PDE10A: variants seen among roughly 807,000 people sequenced by gnomAD.
The protein encoded by PDE10A is phosphodiesterase 10A.
A neutral mutation model predicts 97.7 loss-of-function variants in PDE10A; 39 were observed. That is an observed-to-expected ratio of 0.40 (90% CI 0.31 to 0.52). The LOEUF is 0.52. PDE10A is among the 20% of genes least tolerant of loss of function. The pLI, the probability that PDE10A is intolerant of heterozygous loss-of-function variation, is 0.56. For synonymous variants in PDE10A, 371 were observed against 376.8 expected (o/e 0.98, Z 0.18); for missense variants, 731 against 1,047.8 (o/e 0.70, Z 4.17).
intron 5 of PDE10A, among the ~76,000 whole-genome samples, chr6:165,445,614 T>C (rs1202527717): frequency 6.6e-6 from 1 of 152,220 alleles, no homozygotes; most frequent in African/African-American, 2.4e-5. Context: ...GGAAACCAGA[T>C]TATTTTGAAA....
At chr6:165,984,916 A>C (rs1785138546) in intron 1 of PDE10A, among the ~76,000 whole-genome samples, 1 of 152,194 alleles carries the variant, frequency 6.6e-6, no homozygotes, top group African/African-American at 2.4e-5. Flanking sequence ...AGCCATGCTG[A>C]AGGTTCCCAG....
intron 10 of PDE10A, among the ~76,000 whole-genome samples, chr6:165,427,879 C>T (rs966218814): frequency 2.6e-5 from 4 of 152,020 alleles, no homozygotes; most frequent in Admixed American, 6.6e-5. Flanking sequence ...ATAGAAATAA[C>T]TTATCACATA....
chr6:165,455,378 C>T (rs747933418), intron 3 of PDE10A, among the ~76,000 whole-genome samples: 14 of 152,130 alleles, frequency 9.2e-5, no homozygotes, highest in Non-Finnish European at 1.6e-4. Flanking sequence ...AACAGACATA[C>T]TCAGCAGCAG....
At position 165,855,313 on chromosome 6, in the gene PDE10A, G is replaced by C. The variant is rs969848616; in HGVS notation, c.-615+132216C>G. On this transcript the variant is annotated intron_variant, in intron 1 of 19. Coordinates refer to the PDE10A transcript ENST00000366882. ...GGCGGCGCGGGAAGTGGCGGGGGGG[G>C]GGGGGGACTCAGGGGCGCTGCCTCC... is the stretch of plus-strand genomic sequence containing the variant. Among the ~76,000 whole-genome samples, 71 of 151,176 alleles carry C rather than the reference G, an allele frequency of 4.7e-4. 2 individuals carry two copies. Among genetic ancestry groups the C allele is most frequent in the Non-Finnish European group, 5.0e-4 (34 of 67,674 alleles).
intron 1 of PDE10A, among the ~76,000 whole-genome samples, chr6:165,556,460 A>G (rs1026026912): frequency 2.0e-5 from 3 of 152,252 alleles, no homozygotes; most frequent in Non-Finnish European, 4.4e-5. Flanking sequence ...GACATAGTTC[A>G]AATGGTTCTT....
intron 1 of PDE10A, among the ~76,000 whole-genome samples, chr6:165,577,972 C>T (rs1785406081): frequency 6.6e-6 from 1 of 152,206 alleles, no homozygotes; most frequent in Non-Finnish European, 1.5e-5. Context: ...TGCACCGGGT[C>T]ACCTCTGTGC....
intron 2 of PDE10A, among the ~76,000 whole-genome samples, chr6:165,505,834 T>G (rs1285109779): frequency 6.6e-6 from 1 of 152,284 alleles, no homozygotes; most frequent in Non-Finnish European, 1.5e-5. Context: ...ACAGATTGGT[T>G]GCATTCAAAA....
intron 1 of PDE10A, among the ~76,000 whole-genome samples, chr6:165,702,705 A>T (rs1249705834): frequency 6.6e-6 from 1 of 152,196 alleles, no homozygotes; most frequent in Non-Finnish European, 1.5e-5. Context: ...CACTCACTCC[A>T]TGTGCCTGGC....
intron 13 of PDE10A, among the ~76,000 whole-genome samples, chr6:165,399,496 T>G (rs1227210952): frequency 2.0e-5 from 3 of 152,222 alleles, no homozygotes; most frequent in African/African-American, 7.2e-5. Flanking sequence ...GTTTGTTACA[T>G]ATGTATACAT....
intron 1 of PDE10A, among the ~76,000 whole-genome samples, chr6:165,890,447 T>C (rs1038942793): frequency 1.3e-5 from 2 of 152,208 alleles, no homozygotes; most frequent in Non-Finnish European, 2.9e-5. Flanking sequence ...GTTTAGCTCA[T>C]GCCTTAAATC....
At chr6:165,677,330 G>GTCCTGCCTT (rs1245000683) in intron 1 of PDE10A, among the ~76,000 whole-genome samples, 2 of 152,180 alleles carry the variant, frequency 1.3e-5, no homozygotes, top group African/African-American at 4.8e-5. Flanking sequence ...TGCCCTGCCT[G>GTCCTGCCTT]CCCTGCAGCT....
chr6:165,739,991 C>A (rs1792677732), intron 1 of PDE10A, among the ~76,000 whole-genome samples: 1 of 152,058 alleles, frequency 6.6e-6, no homozygotes, highest in African/African-American at 2.4e-5. Context: ...AAAAGGGAAC[C>A]CCTATCTGCT....
chr6:165,642,806 G>A (rs752376634), intron 1 of PDE10A, among the ~76,000 whole-genome samples: 1 of 152,154 alleles, frequency 6.6e-6, no homozygotes, highest in Non-Finnish European at 1.5e-5. Context: ...GCTCTCTTGC[G>A]GCATACCTGC....
intron 1 of PDE10A, among the ~76,000 whole-genome samples, chr6:165,720,689 C>T (rs1452229415): frequency 6.6e-6 from 1 of 152,184 alleles, no homozygotes; most frequent in African/African-American, 2.4e-5. Context: ...CGGATAAGCA[C>T]ATATCCTTAT....
At chr6:165,475,624 G>A (rs1394215652) in intron 3 of PDE10A, among the ~76,000 whole-genome samples, 3 of 152,160 alleles carry the variant, frequency 2.0e-5, no homozygotes, top group Non-Finnish European at 2.9e-5. Context: ...GGGAAGTAAT[G>A]ACACAAGATC....
chr6:165,379,562 C>G (rs1784813669), intron 17 of PDE10A, among the ~76,000 whole-genome samples, 196 bp from the exon 18 acceptor site: 1 of 152,096 alleles, frequency 6.6e-6, no homozygotes. Flanking sequence ...CTTTAAGCTA[C>G]AGAAACAATG....
At chr6:165,858,455 C>T (rs1433283896) in intron 1 of PDE10A, among the ~76,000 whole-genome samples, 1 of 152,154 alleles carries the variant, frequency 6.6e-6, no homozygotes, top group Admixed American at 6.5e-5. Context: ...AACCTGATGC[C>T]TTCAACCAAC....
intron 2 of PDE10A, among the ~76,000 whole-genome samples, chr6:165,488,774 C>T (rs1466012277): frequency 1.3e-5 from 2 of 152,144 alleles, no homozygotes; most frequent in African/African-American, 4.8e-5. Flanking sequence ...GAGCTGCAGG[C>T]TCCACGGGAG....
chr6:165,525,222 C>T (rs1175071511), intron 2 of PDE10A, among the ~76,000 whole-genome samples: 4 of 152,062 alleles, frequency 2.6e-5, no homozygotes, highest in Non-Finnish European at 4.4e-5. Context: ...AAACATAAAT[C>T]TGGAGAACAG....
Sources: allele counts gnomAD v4.1 joint callset (sites outside exome capture counted in the v4.1 genomes callset), GRCh38; gene constraint gnomAD v4.1.1; transcripts MANE v1.5; gene names NCBI Gene and HGNC (gene_info 2026-07-23, HGNC 2026-07-21).